The following PIGB variants were observed in gnomAD, a reference collection of about 807,000 sequenced individuals.
PIGB encodes GPI alpha-1,2-mannosyltransferase 3.
Under a neutral mutation model 68.4 loss-of-function variants are expected in PIGB, and 58 were observed. The observed-to-expected ratio is 0.85, with a 90% CI of 0.69 to 1.06. PIGB has a LOEUF of 1.06. PIGB is among the 50% of genes least tolerant of loss of function. PIGB has a pLI of 0.00. For missense variants in PIGB, 634 were observed against 655.8 expected, an observed-to-expected ratio of 0.97 and a Z score of 0.36; for synonymous variants, 219 against 220.5, an observed-to-expected ratio of 0.99 and a Z score of 0.06.
At chr15:55,329,569 A>G (rs186512680) in intron 4 of PIGB, among the ~76,000 whole-genome samples, 155 bp from the exon 5 acceptor site, 123 of 152,356 alleles carry the variant, frequency 8.1e-4, no homozygotes, top group African/African-American at 2.7e-3. Context: ...GTAACTTTCT[A>G]AAAACGACGT....
chr15:55,319,455 T>G (rs2055111308), intron 1 of PIGB, 42 bp downstream of exon 1: 1 of 1,476,480 alleles, frequency 6.8e-7, no homozygotes, highest in Non-Finnish European at 9.2e-7. Context: ...TACCCCCATC[T>G]AAAAGGAACC....
chr15:55,347,075 T>G (rs1017747810), intron 9 of PIGB, among the ~76,000 whole-genome samples: 3 of 152,264 alleles, frequency 2.0e-5, no homozygotes, highest in Non-Finnish European at 4.4e-5. Flanking sequence ...TAACTGAAAT[T>G]ATAAAGATAT....
rs141178141 is a variant in PIGB at position 55,322,298 on chromosome 15, G to C, written c.417+908G>C. Among the ~76,000 whole-genome samples, 202 of 152,300 alleles carry C rather than the reference G, an allele frequency of 1.3e-3. 2 individuals are homozygous for C. The highest frequency in any genetic ancestry group is 4.7e-3 in the African/African-American group (194 of 41,566). ...TACATCTAAACCCACTGAGGATTTA[G>C]TGTTGAAATTAAAACTTTAAAATTT... On this transcript the variant is annotated intron_variant, in intron 3 of 11. Transcript: ENST00000164305.
Position 55,352,141 on chromosome 15 carries a change from T to C in PIGB, c.1337+1229T>C, listed in dbSNP as rs111722854. On this transcript the variant is annotated intron_variant, in intron 10 of 11. Coordinates refer to ENST00000164305, the MANE Select transcript of PIGB (RefSeq NM_004855.5). ...TTTTGTATTTTTATTGGAGACAGGGTTTCTCCATGTTGGTCAGGCTGATCT... is the reference window on the plus strand; with the variant it reads ...TTTTGTATTTTTATTGGAGACAGGGCTTCTCCATGTTGGTCAGGCTGATCT... Among the ~76,000 whole-genome samples the C allele has an allele frequency of 3.2e-3, 490 of 151,704 alleles. 1 individual carries two copies. Among genetic ancestry groups the C allele is most frequent in the African/African-American group, 0.011 (462 of 41,392 alleles).
At chr15:55,345,068 G>T (rs951399033) in intron 9 of PIGB, among the ~76,000 whole-genome samples, 1 of 151,682 alleles carries the variant, frequency 6.6e-6, no homozygotes, top group Non-Finnish European at 1.5e-5. Flanking sequence ...GCTAATTTTT[G>T]TATTTTTAGT....
At chr15:55,331,804 A>T (rs2055421714) in intron 5 of PIGB, among the ~76,000 whole-genome samples, 1 of 152,064 alleles carries the variant, frequency 6.6e-6, no homozygotes, top group African/African-American at 2.4e-5. Flanking sequence ...ACGGCCTCTT[A>T]AAGCGTTGGG....
At chr15:55,324,542 T>C (rs2055236885) in intron 3 of PIGB, among the ~76,000 whole-genome samples, 1 of 152,216 alleles carries the variant, frequency 6.6e-6, no homozygotes, top group South Asian at 2.1e-4. Context: ...GCTCTTAACC[T>C]CATAATCATA....
At chr15:55,344,815 G>C (rs2055752065) in intron 9 of PIGB, among the ~76,000 whole-genome samples, 1 of 150,976 alleles carries the variant, frequency 6.6e-6, no homozygotes, top group Admixed American at 6.6e-5. Flanking sequence ...TTGAGTGTCT[G>C]CTTATCTGTT....
intron 6 of PIGB, among the ~76,000 whole-genome samples, chr15:55,335,367 A>G (rs1255800041): frequency 1.3e-5 from 2 of 152,212 alleles, no homozygotes; most frequent in Admixed American, 6.5e-5. Context: ...CAGATGTATT[A>G]ATAACATTGC....
intron 6 of PIGB, among the ~76,000 whole-genome samples, chr15:55,335,464 C>A (rs2055513456): frequency 6.6e-6 from 1 of 151,892 alleles, no homozygotes; most frequent in African/African-American, 2.4e-5. Flanking sequence ...TCAGTTTAAC[C>A]AAAAAAAGTA....
chr15:55,354,973 G>T lies in PIGB; in HGVS notation c.1513G>T (p.Glu505Ter). The T allele has an allele frequency of 1.2e-6, 2 of 1,608,798 alleles. No homozygotes were observed. The highest frequency in any genetic ancestry group is 1.7e-6 in the Non-Finnish European group (2 of 1,177,462). The change falls in exon 11 of 12, where the codon GAA becomes TAA. Residue 505 changes from glutamate (E) to a stop codon, truncating the protein, a stop_gained. Transcript: ENST00000164305. LOFTEE classifies it high-confidence loss of function. ...PTHLITFSIL[E>*]EEISAFLISS... ...TCACTTGATCACCTTCAGCATTTTG[G>T]AAGAGGTAAGTAAACATGAAAAAGA...
chr15:55,325,049 C>T lies in PIGB; in HGVS notation c.418-2482C>T, dbSNP rs546818656. 5.9e-4 allele frequency among the ~76,000 whole-genome samples: 90 copies of T among 152,140 alleles called. 2 individuals are homozygous for T. The highest frequency in any genetic ancestry group is 1.2e-4 in the Non-Finnish European group (8 of 67,990). On this transcript the variant is annotated intron_variant, in intron 3 of 11. Transcript: ENST00000164305. ...TTCAACAAAAATATGAATTAACAGC[C>T]GGCGCGGTGGATCACGCCTGTAATC... is the stretch of plus-strand genomic sequence containing the variant.
At chr15:55,329,644 T>C in intron 4 of PIGB, 80 bp from the exon 5 acceptor site, 1 of 1,105,114 alleles carries the variant, frequency 9.0e-7, no homozygotes, top group East Asian at 2.4e-5. Flanking sequence ...TATTTAGACT[T>C]GCTTGCTATT....
intron 9 of PIGB, among the ~76,000 whole-genome samples, chr15:55,347,670 G>A (rs1373663910): frequency 6.6e-6 from 1 of 152,074 alleles, no homozygotes; most frequent in African/African-American, 2.4e-5. Context: ...ACTCTCCCTG[G>A]CATTGTTCAG....
At chr15:55,341,837 T>C (rs936837197) in intron 9 of PIGB, 35 bp downstream of exon 9, 5 of 945,000 alleles carry the variant, frequency 5.3e-6, no homozygotes, top group Non-Finnish European at 7.5e-6. Flanking sequence ...AAATAAATTA[T>C]ATAGAAATAG....
At chr15:55,319,461 G>A (rs1475127084) in intron 1 of PIGB, 48 bp downstream of exon 1, 2 of 1,428,692 alleles carry the variant, frequency 1.4e-6, no homozygotes, top group Non-Finnish European at 1.9e-6. Context: ...CATCTAAAAG[G>A]AACCCCCTCC....
At chr15:55,331,863 T>C (rs1287621617) in intron 5 of PIGB, among the ~76,000 whole-genome samples, 1 of 152,146 alleles carries the variant, frequency 6.6e-6, no homozygotes, top group Non-Finnish European at 1.5e-5. Flanking sequence ...AGCTCATGTA[T>C]CAAAATCTGG....
At chr15:55,333,625 G>C (rs956089403) in intron 5 of PIGB, among the ~76,000 whole-genome samples, 2 of 152,238 alleles carry the variant, frequency 1.3e-5, no homozygotes, top group Non-Finnish European at 2.9e-5. Flanking sequence ...CCAGCTACTC[G>C]GGATGCTGAG....
chr15:55,351,244 A>C (rs1027209247), intron 10 of PIGB, among the ~76,000 whole-genome samples: 9 of 151,014 alleles, frequency 6.0e-5, no homozygotes, highest in Admixed American at 6.0e-4. Flanking sequence ...AGTAGCTGGG[A>C]CCACAGGTGC....
Sources: gnomAD v4.1 joint callset for allele counts (sites outside exome capture counted in the v4.1 genomes callset) on GRCh38, gnomAD v4.1.1 for gene constraint, MANE v1.5 for transcripts, NCBI Gene and HGNC (gene_info 2026-07-23, HGNC 2026-07-21) for gene names.